Variants in ARHGAP39 observed in about 807,000 individuals in gnomAD.
ARHGAP39 encodes the protein Rho GTPase activating protein 39, also known as rho GTPase-activating protein 39.
In ARHGAP39, 44 loss-of-function variants were observed where a neutral mutation model predicts 106.9. That is an observed-to-expected ratio of 0.41 (90% CI 0.32 to 0.53). The LOEUF (loss-of-function observed/expected upper bound fraction) is 0.53. Among genes scored for constraint, ARHGAP39 ranks in the 20% least tolerant of loss-of-function variants. The pLI is 0.21. For synonymous variants in ARHGAP39, 768 were observed against 693.2 expected, an observed-to-expected ratio of 1.11 and a Z score of -1.69; for missense variants, 1,496 against 1,577.3, an observed-to-expected ratio of 0.95 and a Z score of 0.87.
At chr8:144,588,538 C>T (rs908590508) in intron 2 of ARHGAP39, among the ~76,000 whole-genome samples, 5 of 152,224 alleles carry the variant, frequency 3.3e-5, no homozygotes, top group Non-Finnish European at 5.9e-5. Context: ...GTGGGGACCG[C>T]GGAGAGCGGC....
Position 144,545,773 on chromosome 8 carries a change from C to A in ARHGAP39, c.1997G>T (p.Ser666Ile). Residue 666 changes from serine to isoleucine, a missense_variant, in exon 6 of 12, where the codon AGC (serine) becomes ATC (isoleucine). Ser to Ile is a moderately radical substitution (Grantham distance 142). Coordinates refer to ENST00000377307, the MANE Select transcript of ARHGAP39 (RefSeq NM_025251.3). ...DLAACAQFES[S>I]RQSRSGVPSS... ...GGGAACGCCGCTGCGGCTCTGCCGG[C>A]TGCTCTCGAACTGGGCACAGGCAGC... is the stretch of plus-strand genomic sequence containing the variant. 4 of 1,595,356 alleles carry A rather than the reference C, an allele frequency of 2.5e-6. No homozygotes were observed. Among genetic ancestry groups the A allele is most frequent in the Non-Finnish European group, 3.4e-6 (4 of 1,171,716 alleles).
intron 3 of ARHGAP39, among the ~76,000 whole-genome samples, chr8:144,571,435 A>C (rs1818583269): frequency 6.6e-6 from 1 of 152,236 alleles, no homozygotes; most frequent in Admixed American, 6.5e-5. Context: ...AAAATTCGAC[A>C]GCGCTTCATG....
At chr8:144,665,173 G>C (rs1821931434) in intron 1 of ARHGAP39, among the ~76,000 whole-genome samples, 1 of 152,178 alleles carries the variant, frequency 6.6e-6, no homozygotes, top group African/African-American at 2.4e-5. Context: ...CCCTGCCCTA[G>C]AGATCTGTGG....
chr8:144,571,117 C>T (rs1259892185), intron 3 of ARHGAP39, among the ~76,000 whole-genome samples: 1 of 152,136 alleles, frequency 6.6e-6, no homozygotes, highest in Admixed American at 6.6e-5. Context: ...AGGGAATCCT[C>T]CCTAACTCAT....
At chr8:144,609,356 G>A (rs1390966370) in intron 1 of ARHGAP39, among the ~76,000 whole-genome samples, 7 of 146,318 alleles carry the variant, frequency 4.8e-5, no homozygotes, top group East Asian at 4.0e-4. Context: ...AACCAATTAC[G>A]TATTCCTTGT....
intron 1 of ARHGAP39, among the ~76,000 whole-genome samples, chr8:144,655,397 A>T (rs1230031674): frequency 1.3e-5 from 2 of 152,152 alleles, no homozygotes. Context: ...ACCTGCAGAG[A>T]CACCAGGACT....
intron 1 of ARHGAP39, among the ~76,000 whole-genome samples, chr8:144,619,492 G>T (rs368088588): frequency 6.6e-6 from 1 of 151,914 alleles, no homozygotes; most frequent in African/African-American, 2.4e-5. Flanking sequence ...GAGACCGTTT[G>T]TGTGAGCCTC....
At chr8:144,536,236 C>A (rs1456409825) in intron 7 of ARHGAP39, among the ~76,000 whole-genome samples, 1 of 152,182 alleles carries the variant, frequency 6.6e-6, no homozygotes, top group Non-Finnish European at 1.5e-5. Context: ...ACAGAGGCAC[C>A]AACAGCAGCA....
intron 10 of ARHGAP39, 61 bp downstream of exon 10, chr8:144,532,244 G>A (rs1816754142): frequency 2.6e-6 from 4 of 1,509,870 alleles, no homozygotes; most frequent in East Asian, 2.3e-5. Flanking sequence ...GGAGACAGGG[G>A]CCCCTGAGAA....
intron 2 of ARHGAP39, among the ~76,000 whole-genome samples, chr8:144,603,520 CTCTAGTAAAA>C (rs1430121746): frequency 6.6e-6 from 1 of 152,012 alleles, no homozygotes; most frequent in Non-Finnish European, 1.5e-5. Context: ...GAAACCCCAT[CTCTAGTAAAA>C]ATACAAAAAA....
At chr8:144,654,890 G>A (rs1031806875) in intron 1 of ARHGAP39, among the ~76,000 whole-genome samples, 1 of 151,670 alleles carries the variant, frequency 6.6e-6, no homozygotes, top group Non-Finnish European at 1.5e-5. Flanking sequence ...AACCATGGCT[G>A]CAGACCCAGC....
In ARHGAP39 at chr8:144,646,801, G is replaced by A. The variant is rs901562526; in HGVS notation, c.-82+38885C>T. ...GCGGGCCATGGCCCTGGCACTGCAC[G>A]TGAGGAAACAAGGCCTTGGGTTTTT... On this transcript the variant is annotated intron_variant, in intron 1 of 11. Transcript: ENST00000377307. The surrounding 1 kb of genome is among the most constrained non-coding windows in gnomAD (Gnocchi z 5.7). 1.3e-5 allele frequency among the ~76,000 whole-genome samples: 2 copies of A among 152,252 alleles called. No individual in the cohort carries two copies. The highest frequency in any genetic ancestry group is 6.5e-5 in the Admixed American group (1 of 15,298).
At chr8:144,533,407 A>G (rs1278384784) in intron 8 of ARHGAP39, 82 bp from the exon 9 acceptor site, 19 of 1,401,694 alleles carry the variant, frequency 1.4e-5, no homozygotes, top group Non-Finnish European at 1.8e-5. Flanking sequence ...CTTTCCCCGA[A>G]CATAGGTGGG....
At chr8:144,612,186 G>A (rs1434724002) in intron 1 of ARHGAP39, among the ~76,000 whole-genome samples, 4 of 131,812 alleles carry the variant, frequency 3.0e-5, no homozygotes, top group Non-Finnish European at 4.9e-5. Context: ...CCACGGCTGC[G>A]CCGCTGCACT....
intron 2 of ARHGAP39, among the ~76,000 whole-genome samples, chr8:144,581,805 C>T (rs1183249829): frequency 6.6e-6 from 1 of 152,172 alleles, no homozygotes; most frequent in Non-Finnish European, 1.5e-5. Flanking sequence ...GCTCTCAGAC[C>T]CCCGATGGGG....
chr8:144,666,789 C>T (rs756818651), intron 1 of ARHGAP39, among the ~76,000 whole-genome samples: 14 of 152,124 alleles, frequency 9.2e-5, no homozygotes, highest in Admixed American at 1.3e-4. Flanking sequence ...TGGCTAAAGG[C>T]GATCAGTGCT....
chr8:144,635,582 C>T (rs949480859), intron 1 of ARHGAP39, among the ~76,000 whole-genome samples: 3 of 152,192 alleles, frequency 2.0e-5, no homozygotes, highest in African/African-American at 4.8e-5. Context: ...GTGGGAACCC[C>T]GATTTGTACC....
intron 4 of ARHGAP39, 149 bp downstream of exon 4, chr8:144,555,411 C>A: frequency 1.4e-6 from 1 of 718,418 alleles, no homozygotes; most frequent in Non-Finnish European, 2.4e-6. Context: ...CCTGTCCAGG[C>A]CCCTGGCCCT....
rs1821432795 is a variant in ARHGAP39, at chr8:144,645,915, T to C, written c.-82+39771A>G. Among the ~76,000 whole-genome samples the C allele has an allele frequency of 6.6e-6, 1 of 152,124 alleles. No individual in the cohort carries two copies. The highest frequency in any genetic ancestry group is 1.5e-5 in the Non-Finnish European group (1 of 68,014). ...GCCTTGCCTGGGTGCTGGTGCAAGG[T>C]ATGCGGCAGCAACACCATCTTTAGG... On this transcript the variant is annotated intron_variant, in intron 1 of 11. Transcript: ENST00000377307. The surrounding 1 kb of genome is among the most constrained non-coding windows in gnomAD (Gnocchi z 4.4).
Sources: allele counts gnomAD v4.1 joint callset (sites outside exome capture counted in the v4.1 genomes callset), GRCh38; gene constraint gnomAD v4.1.1; non-coding constraint Gnocchi (gnomAD v3.1); transcripts MANE v1.5; gene names NCBI Gene and HGNC (gene_info 2026-07-23, HGNC 2026-07-21).